The following SHANK2 variants were observed in gnomAD, a reference collection of about 807,000 sequenced individuals.
The protein encoded by SHANK2 is SH3 and multiple ankyrin repeat domains protein 2.
In SHANK2, 43 loss-of-function variants were observed where a neutral mutation model predicts 133.7. The observed-to-expected ratio is 0.32, with a 90% CI of 0.25 to 0.41. The LOEUF (loss-of-function observed/expected upper bound fraction) is 0.41. Among genes scored for constraint, SHANK2 ranks in the 10% least tolerant of loss-of-function variants. The pLI is 1.00. For missense variants in SHANK2, 1,994 were observed against 2,235.8 expected (o/e 0.89, Z 2.18); for synonymous variants, 1,017 against 952.8 (o/e 1.07, Z -1.24).
intron 17 of SHANK2, among the ~76,000 whole-genome samples, chr11:70,507,490 C>T (rs1554968606): frequency 6.6e-6 from 1 of 152,240 alleles, no homozygotes; most frequent in African/African-American, 2.4e-5. Flanking sequence ...TGCCCAGAAT[C>T]TTTCCCCTGC....
chr11:70,745,337 C>T (rs782560808), intron 14 of SHANK2, among the ~76,000 whole-genome samples: 2 of 152,226 alleles, frequency 1.3e-5, no homozygotes, highest in Non-Finnish European at 2.9e-5. Flanking sequence ...GTTGAGTGGT[C>T]TCCACGTATT....
chr11:70,805,120 T>C (rs1948131515), intron 13 of SHANK2, among the ~76,000 whole-genome samples: 1 of 152,132 alleles, frequency 6.6e-6, no homozygotes, highest in Admixed American at 6.5e-5. Context: ...TCTCTGCCCC[T>C]TTGGAAGTCC....
rs79676322 is a variant in SHANK2 at position 71,131,359 on chromosome 11, G to A, written c.208-12327C>T. Among the ~76,000 whole-genome samples, 225 of 152,348 alleles carry A rather than the reference G, an allele frequency of 1.5e-3. 6 individuals carry two copies. In the East Asian group the frequency reaches 0.031, roughly 21 times the overall value. ...CGACTCAGAAGGACAGCCTAGTCGG[G>A]GGGTGCTGAGGTCCAAGAGTCAGGC... On this transcript the variant is annotated intron_variant, in intron 3 of 25. Coordinates refer to ENST00000601538, the MANE Select transcript of SHANK2 (RefSeq NM_012309.5).
At chr11:71,139,679 C>T (rs1412150753) in intron 3 of SHANK2, among the ~76,000 whole-genome samples, 8 of 152,194 alleles carry the variant, frequency 5.3e-5, no homozygotes, top group Non-Finnish European at 7.3e-5. Context: ...AGAGCCAGCA[C>T]TCCACCACTG....
intron 2 of SHANK2, among the ~76,000 whole-genome samples, chr11:71,206,488 G>A (rs1053072804): frequency 7.2e-5 from 11 of 152,098 alleles, no homozygotes; most frequent in Admixed American, 2.6e-4. Flanking sequence ...AGCCAGCAGC[G>A]CCGCACCCCC....
chr11:71,085,098 G>A (rs1951360267), intron 8 of SHANK2, among the ~76,000 whole-genome samples: 1 of 152,084 alleles, frequency 6.6e-6, no homozygotes, highest in Admixed American at 6.6e-5. Context: ...AAGGAAATCT[G>A]AAATTAAATG....
intron 17 of SHANK2, among the ~76,000 whole-genome samples, chr11:70,630,604 G>T: frequency 6.6e-6 from 1 of 152,298 alleles, no homozygotes; most frequent in African/African-American, 2.4e-5. Flanking sequence ...ACTGGTTGGT[G>T]CCCTTATAAG....
At chr11:70,744,328 C>A (rs1247051517) in intron 14 of SHANK2, among the ~76,000 whole-genome samples, 2 of 152,220 alleles carry the variant, frequency 1.3e-5, no homozygotes, top group Non-Finnish European at 2.9e-5. Context: ...GCTGGTCACA[C>A]CCTGCAGCAA....
At chr11:70,610,089 T>C (rs2060639545) in intron 17 of SHANK2, among the ~76,000 whole-genome samples, 2 of 149,652 alleles carry the variant, frequency 1.3e-5, no homozygotes, top group African/African-American at 2.5e-5. Flanking sequence ...CGGGGTTCCT[T>C]TTGGGGCGGT....
intron 17 of SHANK2, among the ~76,000 whole-genome samples, chr11:70,645,513 A>T (rs1478352744): frequency 6.6e-6 from 1 of 152,170 alleles, no homozygotes; most frequent in Non-Finnish European, 1.5e-5. Context: ...GACAACAAAA[A>T]ATGTCTTCCC....
chr11:70,668,410 G>C (rs1187134483), intron 15 of SHANK2: 1 of 152,778 alleles, frequency 6.5e-6, no homozygotes, highest in Non-Finnish European at 1.5e-5. Context: ...CCCAGCTGAG[G>C]AGCACCAAGG....
chr11:70,545,674 C>T (rs2059684577), intron 17 of SHANK2, among the ~76,000 whole-genome samples: 2 of 152,246 alleles, frequency 1.3e-5, no homozygotes, highest in Admixed American at 1.3e-4. Context: ...ATCATTCCAA[C>T]ATCAACCAAT....
intron 14 of SHANK2, among the ~76,000 whole-genome samples, chr11:70,771,135 C>T (rs192298930): frequency 6.6e-6 from 1 of 152,234 alleles, no homozygotes; most frequent in African/African-American, 2.4e-5. Flanking sequence ...TCATGTTGCC[C>T]AGGCTGGTCT....
intron 14 of SHANK2, among the ~76,000 whole-genome samples, chr11:70,707,372 C>CA (rs1172194976): frequency 0.088 from 5,107 of 57,740 alleles, 494 homozygotes; most frequent in African/African-American, 0.15. Flanking sequence ...AACTCCATCT[C>CA]AAAAAAAAAA....
chr11:70,506,231 T>C (rs1232382036), intron 17 of SHANK2, among the ~76,000 whole-genome samples: 1 of 152,140 alleles, frequency 6.6e-6, no homozygotes, highest in Non-Finnish European at 1.5e-5. Context: ...CTCCACACAC[T>C]CATGCTGCCC....
intron 15 of SHANK2, among the ~76,000 whole-genome samples, chr11:70,695,815 G>T (rs1945380405): frequency 6.6e-6 from 1 of 152,232 alleles, no homozygotes; most frequent in South Asian, 2.1e-4. Context: ...CAGGGCTGTT[G>T]TGACTCTTGT....
chr11:70,607,861 A>G (rs1243443805), intron 17 of SHANK2, among the ~76,000 whole-genome samples: 2 of 152,258 alleles, frequency 1.3e-5, no homozygotes, highest in Non-Finnish European at 2.9e-5. Flanking sequence ...GAGACCACTG[A>G]GTATTCTGTC....
At chr11:70,701,909 TCACCACCATCATCACCACCACCATCAC>T (rs1945529757) in intron 14 of SHANK2, among the ~76,000 whole-genome samples, 3 of 150,510 alleles carry the variant, frequency 2.0e-5, no homozygotes, top group Admixed American at 2.0e-4. Context: ...CCCTCCATCA[TCACCACCATCATCACCACCACCATCAC>T]CACCACCATC....
At chr11:70,798,653 G>C (rs1590692724) in intron 13 of SHANK2, 97 bp from the exon 14 acceptor site, 4 of 680,618 alleles carry the variant, frequency 5.9e-6, no homozygotes, top group Non-Finnish European at 1.1e-5. Context: ...AGGAGAATCA[G>C]CGCACCCCTG....
Sources: gnomAD v4.1 joint callset for allele counts (sites outside exome capture counted in the v4.1 genomes callset) on GRCh38, gnomAD v4.1.1 for gene constraint, MANE v1.5 for transcripts, NCBI Gene and HGNC (gene_info 2026-07-23, HGNC 2026-07-21) for gene names.